PEX5L: variants seen among roughly 807,000 people sequenced by gnomAD.
The protein encoded by PEX5L is peroxisomal biogenesis factor 5 like, also known as PEX5-related protein.
PEX5L carries 30 observed loss-of-function variants against 84.0 expected under a neutral mutation model. That is an observed-to-expected ratio of 0.36 (90% CI 0.27 to 0.48). The LOEUF (loss-of-function observed/expected upper bound fraction) is 0.48, where lower values mean the gene tolerates loss of function less well. Ranked by LOEUF, PEX5L falls within the 20% of genes least tolerant of loss-of-function variation. PEX5L has a pLI of 0.99. For synonymous variants in PEX5L, 270 were observed against 283.1 expected (o/e 0.95, Z 0.46); for missense variants, 533 against 754.6 (o/e 0.71, Z 3.44).
At chr3:180,027,114 GGCAGCAGCAGCA>G (rs59468962) in intron 1 of PEX5L, among the ~76,000 whole-genome samples, 3 of 151,528 alleles carry the variant, frequency 2.0e-5, no homozygotes, top group Admixed American at 6.6e-5. Context: ...GGTTTCTGTG[GGCAGCAGCAGCA>G]GCAGCAGCAG....
chr3:179,831,102 G>A (rs1732694960), intron 8 of PEX5L, among the ~76,000 whole-genome samples: 1 of 152,100 alleles, frequency 6.6e-6, no homozygotes, highest in South Asian at 2.1e-4. Flanking sequence ...TGGATAATGA[G>A]GTCAGGAGTT....
At chr3:179,898,482 T>C (rs931562065) in intron 2 of PEX5L, 73 of 367,542 alleles carry the variant, frequency 2.0e-4, no homozygotes, top group Non-Finnish European at 3.0e-4. Context: ...CATTTAATTT[T>C]AACATAGTAT....
rs550261208 is a variant in PEX5L, at chr3:179,974,296, G to A, written c.22-2631C>T. The A allele has an allele frequency of 4.4e-5, 24 of 539,782 alleles. 1 individual carries two copies. The Middle Eastern group carries it at 2.7e-3, about 61-fold the overall frequency. 33.4% of individuals were successfully genotyped at this position (539,782 alleles called of 1,614,324 possible). A position where few individuals can be genotyped will look rare whatever the true frequency, so the allele number is the denominator to read the frequency against. ...GGCTTCTGTGGGAGGAGAAGCCACAGGGCAATCACTTCCTGTGCTCCTCCC... is the reference window on the plus strand; with the variant it reads ...GGCTTCTGTGGGAGGAGAAGCCACAAGGCAATCACTTCCTGTGCTCCTCCC... On this transcript the variant is annotated intron_variant, in intron 1 of 14. Transcript: ENST00000467460.
intron 2 of PEX5L, among the ~76,000 whole-genome samples, chr3:179,971,117 C>G (rs370874090): frequency 1.6e-4 from 25 of 151,996 alleles, no homozygotes; most frequent in Non-Finnish European, 2.9e-4. Flanking sequence ...TCAGAATCAT[C>G]TTTATATATA....
chr3:180,031,066 T>C (rs1364665723), intron 1 of PEX5L, among the ~76,000 whole-genome samples: 1 of 150,192 alleles, frequency 6.7e-6, no homozygotes, highest in African/African-American at 2.5e-5. Context: ...ACATGGAGTA[T>C]GACAATGGAT....
At chr3:179,838,059 A>G (rs1433225163) in intron 8 of PEX5L, among the ~76,000 whole-genome samples, 1 of 152,222 alleles carries the variant, frequency 6.6e-6, no homozygotes, top group African/African-American at 2.4e-5. Context: ...GTTTGCTGAA[A>G]AATCAAATTT....
At position 179,905,131 on chromosome 3, in the gene PEX5L, T is replaced by C. The variant is rs79252537; in HGVS notation, c.94-6885A>G. ...ACACTCTCTAAAAGCCTGGACCCTT[T>C]AGACCTGAGGCAGAAAGCATTGGCA... On this transcript the variant is annotated intron_variant, in intron 2 of 14. Transcript: ENST00000467460. Among the ~76,000 whole-genome samples, 401 of 152,288 alleles carry C rather than the reference T, an allele frequency of 2.6e-3. 8 individuals are homozygous for C. Among genetic ancestry groups the C allele is most frequent in the African/African-American group, 9.4e-3 (390 of 41,564 alleles).
intron 14 of PEX5L, among the ~76,000 whole-genome samples, chr3:179,805,994 A>G (rs1721155416): frequency 6.6e-6 from 1 of 150,404 alleles, no homozygotes; most frequent in Admixed American, 6.6e-5. Context: ...GAAAAAAAAT[A>G]TATAAAATAT....
intron 1 of PEX5L, among the ~76,000 whole-genome samples, chr3:180,009,992 G>A (rs1247950797): frequency 6.6e-6 from 1 of 152,078 alleles, no homozygotes; most frequent in Admixed American, 6.5e-5. Flanking sequence ...TGCACAGGTT[G>A]AAGTGCAGTG....
intron 1 of PEX5L, among the ~76,000 whole-genome samples, chr3:180,015,330 C>T (rs1279333408): frequency 6.6e-6 from 1 of 152,184 alleles, no homozygotes; most frequent in African/African-American, 2.4e-5. Flanking sequence ...AATCCCACCT[C>T]TGCTAAGTTA....
chr3:180,015,808 T>G (rs2110486271), intron 1 of PEX5L, among the ~76,000 whole-genome samples: 1 of 150,414 alleles, frequency 6.6e-6, no homozygotes, highest in South Asian at 2.1e-4. Flanking sequence ...TGAAACTAAT[T>G]TTCTTGACTT....
intron 2 of PEX5L, among the ~76,000 whole-genome samples, chr3:179,968,551 C>T (rs1352496068): frequency 6.6e-6 from 1 of 152,006 alleles, no homozygotes; most frequent in Non-Finnish European, 1.5e-5. Flanking sequence ...ATTTTTATGT[C>T]AAATGTTTGG....
chr3:179,885,221 T>C (rs1438865624), intron 4 of PEX5L, among the ~76,000 whole-genome samples: 1 of 152,106 alleles, frequency 6.6e-6, no homozygotes, highest in Non-Finnish European at 1.5e-5. Flanking sequence ...GTGGTCTATG[T>C]AGAAGTCCTA....
chr3:179,916,185 A>G (rs1767015059), intron 2 of PEX5L, among the ~76,000 whole-genome samples: 1 of 152,204 alleles, frequency 6.6e-6, no homozygotes. Context: ...ATACAGTCTG[A>G]GAAAAGCACT....
At chr3:179,837,562 C>G (rs1735412877) in intron 8 of PEX5L, among the ~76,000 whole-genome samples, 2 of 152,202 alleles carry the variant, frequency 1.3e-5, no homozygotes, top group South Asian at 4.1e-4. Context: ...ATCCTTTAGT[C>G]CACCCGGTGG....
At chr3:180,008,924 T>A (rs1789174139) in intron 1 of PEX5L, among the ~76,000 whole-genome samples, 1 of 152,206 alleles carries the variant, frequency 6.6e-6, no homozygotes, top group Admixed American at 6.5e-5. Flanking sequence ...AACAGTTCAT[T>A]TTAGAATAAA....
intron 14 of PEX5L, among the ~76,000 whole-genome samples, chr3:179,803,615 C>T (rs1006536510): frequency 1.3e-5 from 2 of 152,156 alleles, no homozygotes; most frequent in African/African-American, 4.8e-5. Flanking sequence ...CTGATCCTTC[C>T]GAAGAATAAT....
Position 179,797,602 on chromosome 3 carries a change from AAAAATATATATAT to A in PEX5L, c.*4213_*4225del, listed in dbSNP as rs1717499276. ...ATGAACACTCTTTAAAAAAAAAAAA[AAAAATATATATAT>A]ATATATATATATATATCTACTTCTT... On this transcript the variant is annotated 3_prime_UTR_variant, in exon 15 of 15. Coordinates refer to ENST00000467460, the MANE Select transcript of PEX5L (RefSeq NM_016559.3). 1.8e-5 allele frequency: 2 copies of A among 112,578 alleles called. No individual in the cohort carries two copies. The highest frequency in any genetic ancestry group is 7.6e-5 in the African/African-American group (2 of 26,410). The allele number at this position is 112,578 out of a possible 1,614,324, so 7.0% of individuals were successfully genotyped here.
rs1031262592 is a variant in PEX5L at position 179,918,396 on chromosome 3, G to A, written c.94-20150C>T. Among the ~76,000 whole-genome samples, 6 of 152,208 alleles carry A rather than the reference G, an allele frequency of 3.9e-5. No homozygotes were observed. The East Asian group carries it at 7.7e-4, about 20-fold the overall frequency. On this transcript the variant is annotated intron_variant, in intron 2 of 14. Coordinates refer to ENST00000467460, the MANE Select transcript of PEX5L (RefSeq NM_016559.3). ...AAATCCAGGATTTGGGGATAGGTAC[G>A]TCTGACTTTCAAATTTATGCTCTTT...
Sources: gnomAD v4.1 joint callset for allele counts (sites outside exome capture counted in the v4.1 genomes callset) on GRCh38, gnomAD v4.1.1 for gene constraint, MANE v1.5 for transcripts, NCBI Gene and HGNC (gene_info 2026-07-23, HGNC 2026-07-21) for gene names.